The following PKD2L1 variants were observed in gnomAD, a reference collection of about 807,000 sequenced individuals.
PKD2L1 encodes the protein polycystin 2 like 1, transient receptor potential cation channel.
Under a neutral mutation model 93.0 loss-of-function variants are expected in PKD2L1, and 77 were observed. That is an observed-to-expected ratio of 0.83 (90% CI 0.69 to 1.00). The LOEUF (loss-of-function observed/expected upper bound fraction) is 1.00, where lower values mean the gene tolerates loss of function less well. Ranked by LOEUF, PKD2L1 falls within the 50% of genes least tolerant of loss-of-function variation. The pLI is 0.00. For synonymous variants in PKD2L1, 390 were observed against 388.0 expected, an observed-to-expected ratio of 1.01 and a Z score of -0.06; for missense variants, 977 against 990.9, an observed-to-expected ratio of 0.99 and a Z score of 0.19.
intron 2 of PKD2L1, among the ~76,000 whole-genome samples, chr10:100,320,264 T>A (rs971829821): frequency 3.9e-5 from 6 of 152,216 alleles, no homozygotes; most frequent in Admixed American, 3.3e-4. Context: ...ACAATTTACA[T>A]TATTATTATC....
intron 2 of PKD2L1, among the ~76,000 whole-genome samples, chr10:100,326,812 G>C (rs1849389422): frequency 6.6e-6 from 1 of 152,210 alleles, no homozygotes; most frequent in African/African-American, 2.4e-5. Flanking sequence ...GCAGTGCACA[G>C]TGTTTGACCC....
chr10:100,326,773 A>G (rs1486682061), intron 2 of PKD2L1, among the ~76,000 whole-genome samples: 4 of 152,184 alleles, frequency 2.6e-5, no homozygotes, highest in Non-Finnish European at 4.4e-5. Context: ...AGTTAAGCAA[A>G]TTGCTTGAGG....
chr10:100,302,581 G>A (rs183292081), intron 2 of PKD2L1, among the ~76,000 whole-genome samples: 1 of 151,836 alleles, frequency 6.6e-6, no homozygotes, highest in East Asian at 1.9e-4. Flanking sequence ...TTGCATGCCT[G>A]TAATCCCAGC....
Position 100,294,946 on chromosome 10 carries a change from A to C in PKD2L1, c.1534T>G (p.Cys512Gly), listed in dbSNP as rs573311011. The C allele has an allele frequency of 4.3e-6, 7 of 1,612,702 alleles. No homozygotes were observed. The highest frequency in any genetic ancestry group is 4.0e-5 in the African/African-American group (3 of 75,028). ...QVENFSTFIK[C>G]IFTQFRIILG... The stretch of plus-strand genomic sequence containing the variant: ...TGAAGGGGACAGGACACACACATGC[A>C]CTTGATGAAAGTGCTAAAGTTTTCC... The change falls in exon 8 of 16, where the codon TGC (cysteine) becomes GGC (glycine). Residue 512 changes from cysteine to glycine, a missense_variant. Coordinates refer to ENST00000318222, the MANE Select transcript of PKD2L1 (RefSeq NM_016112.3).
intron 2 of PKD2L1, among the ~76,000 whole-genome samples, chr10:100,314,995 GAA>G (rs1309957141): frequency 7.8e-5 from 1 of 12,766 alleles, no homozygotes; most frequent in Non-Finnish European, 1.2e-4. Context: ...AGGAAGGAAG[GAA>G]GGAAGGAAGG....
At position 100,290,500 on chromosome 10, in the gene PKD2L1, A is replaced by G. The variant is rs143580376; in HGVS notation, c.2027T>C (p.Ile676Thr). 1.4e-5 allele frequency: 23 copies of G among 1,613,016 alleles called. No homozygotes were observed. The African/African-American group carries it at 2.5e-4, about 18-fold the overall frequency. The change falls in exon 13 of 16, where the codon ATT (isoleucine) becomes ACT (threonine). Residue 676 changes from isoleucine (I) to threonine (T), a missense_variant. Transcript: ENST00000318222. ...CACAATAGATCGGCCTAGTTTCTCA[A>G]TCTCAGTGTTGAGGGCCACCTGCTC... ...EEERVALNTE[I>T]EKLGRSIVSS...
chr10:100,297,078 T>TG lies in PKD2L1; in HGVS notation c.1086dup (p.Ile363HisfsTer67). The TG allele has an allele frequency of 6.2e-7, 1 of 1,614,024 alleles. No homozygotes were observed. The highest frequency in any genetic ancestry group is 8.5e-7 in the Non-Finnish European group (1 of 1,179,970). On this transcript the variant is annotated frameshift_variant, in exon 6 of 16. Transcript: ENST00000318222. LOFTEE classifies it high-confidence loss of function. ...ATCTCTTCCACCACATAGTAGAAGATGAAGACGCAGAAGATGACCTCACAG... is the reference window on the plus strand; with the variant it reads ...ATCTCTTCCACCACATAGTAGAAGATGGAAGACGCAGAAGATGACCTCACAG...
At chr10:100,329,545 T>C (rs1849458266) in intron 1 of PKD2L1, among the ~76,000 whole-genome samples, 1 of 152,186 alleles carries the variant, frequency 6.6e-6, no homozygotes, top group Non-Finnish European at 1.5e-5. Flanking sequence ...TTGTAGAGAA[T>C]GAAGGCATGG....
intron 2 of PKD2L1, among the ~76,000 whole-genome samples, chr10:100,304,525 G>C (rs922409698): frequency 6.6e-6 from 1 of 152,026 alleles, no homozygotes; most frequent in Non-Finnish European, 1.5e-5. Flanking sequence ...ACAGGGTCTT[G>C]CTGTGTTGCC....
intron 1 of PKD2L1, among the ~76,000 whole-genome samples, chr10:100,329,535 T>G (rs2133578576): frequency 6.6e-6 from 1 of 152,330 alleles, no homozygotes; most frequent in Non-Finnish European, 1.5e-5. Flanking sequence ...AGGCCCTGGC[T>G]TGTAGAGAAT....
rs1244192045 is a variant in PKD2L1 at position 100,302,270 on chromosome 10, C to CGCAT, written c.350-2553_350-2552insATGC. On this transcript the variant is annotated intron_variant, in intron 2 of 15. Coordinates refer to ENST00000318222, the MANE Select transcript of PKD2L1 (RefSeq NM_016112.3). ...ACACACACGCATACACACACACACA[C>CGCAT]ACACACACACATATCAATTAGAACC... Among the ~76,000 whole-genome samples, 3 of 139,656 alleles carry CGCAT rather than the reference C, an allele frequency of 2.1e-5. No individual in the cohort carries two copies. In the East Asian group the frequency reaches 6.8e-4, roughly 32 times the overall value. 91.6% of individuals were successfully genotyped at this position (139,656 alleles called of 152,430 possible).
chr10:100,297,625 G>C lies in PKD2L1; in HGVS notation c.732-19C>G, dbSNP rs1269213334. The C allele has an allele frequency of 5.0e-6, 8 of 1,594,412 alleles. No individual in the cohort carries two copies. The highest frequency in any genetic ancestry group is 3.3e-5 in the South Asian group (3 of 90,512). ...TGTCCACCTGCCACAGAAAATGCCA[G>C]CTGAGCCAGCCCAAAAGTTCATCTC... On this transcript the variant is annotated intron_variant, in intron 4 of 15. Transcript: ENST00000318222.
rs190832783 is a variant in PKD2L1, at chr10:100,328,939, T to C, written c.349+272A>G. On this transcript the variant is annotated intron_variant, in intron 2 of 15. Coordinates refer to ENST00000318222, the MANE Select transcript of PKD2L1 (RefSeq NM_016112.3). ...TTTCACCTTTCACCTTTTCAGCCAA[T>C]AGAAAACAATGGCTGCCAAAAACTG... Among the ~76,000 whole-genome samples, 323 of 152,332 alleles carry C rather than the reference T, an allele frequency of 2.1e-3. 2 individuals carry two copies. The highest frequency in any genetic ancestry group is 7.4e-3 in the African/African-American group (308 of 41,586).
Position 100,298,674 on chromosome 10 carries a change from T to G in PKD2L1, c.619A>C (p.Asn207His). ...TCTTCATGCACCACACAGGAGTCAT[T>G]GCGGACCTTTAGCTGCCGCAGCCTC... ...VPRLRQLKVR[N>H]DSCVVHEDFR... The change falls in exon 4 of 16, where the codon AAT becomes CAT. Residue 207 changes from asparagine (N) to histidine (H), a missense_variant. Physicochemically the swap from Asn to His is moderately conservative, Grantham distance 68. Coordinates refer to ENST00000318222, the MANE Select transcript of PKD2L1 (RefSeq NM_016112.3). 1 of 1,614,160 alleles carries G rather than the reference T, an allele frequency of 6.2e-7. No homozygotes were observed. Among genetic ancestry groups the G allele is most frequent in the Non-Finnish European group, 8.5e-7 (1 of 1,180,028 alleles).
intron 2 of PKD2L1, among the ~76,000 whole-genome samples, chr10:100,316,503 G>C (rs1849104828): frequency 6.6e-6 from 1 of 152,194 alleles, no homozygotes; most frequent in South Asian, 2.1e-4. Context: ...CTCAGCACTT[G>C]GCCTAGGGCC....
At chr10:100,323,364 G>A (rs537317436) in intron 2 of PKD2L1, among the ~76,000 whole-genome samples, 8 of 152,288 alleles carry the variant, frequency 5.3e-5, no homozygotes, top group Non-Finnish European at 7.3e-5. Flanking sequence ...CACCTCCCAG[G>A]TTCAAGCGAT....
chr10:100,296,360 G>A (rs1848539767), intron 6 of PKD2L1, 68 bp from the exon 7 acceptor site: 23 of 1,342,154 alleles, frequency 1.7e-5, no homozygotes, highest in Non-Finnish European at 2.3e-5. Context: ...CCAAGATGAG[G>A]CCCCAAGGGA....
chr10:100,304,546 T>C (rs1469325849), intron 2 of PKD2L1, among the ~76,000 whole-genome samples: 1 of 151,990 alleles, frequency 6.6e-6, no homozygotes, highest in African/African-American at 2.4e-5. Flanking sequence ...CAGGCTGGAG[T>C]GGGGTGGCAC....
Position 100,329,358 on chromosome 10 carries a change from A to G in PKD2L1, c.236-34T>C, listed in dbSNP as rs371363058. 8.1e-6 allele frequency: 13 copies of G among 1,613,812 alleles called. No homozygotes were observed. In the African/African-American group the frequency reaches 1.2e-4, roughly 15 times the overall value. Reference sequence around the variant, plus strand: ...CATGGGAGAGATGCCTGGGATGCTCAGTGGCAGTGTTCCTCCCAGTCATCC... The same window carrying G: ...CATGGGAGAGATGCCTGGGATGCTCGGTGGCAGTGTTCCTCCCAGTCATCC... On this transcript the variant is annotated intron_variant, in intron 1 of 15. Coordinates refer to ENST00000318222, the MANE Select transcript of PKD2L1 (RefSeq NM_016112.3).
Sources: allele counts gnomAD v4.1 joint callset (sites outside exome capture counted in the v4.1 genomes callset), GRCh38; gene constraint gnomAD v4.1.1; transcripts MANE v1.5; gene names NCBI Gene and HGNC (gene_info 2026-07-23, HGNC 2026-07-21).